The following UTRN variants were observed in gnomAD, a reference collection of about 807,000 sequenced individuals.
UTRN encodes utrophin, also known as dystrophin-related protein 1.
In UTRN, 283 loss-of-function variants were observed where a neutral mutation model predicts 463.9. That is an observed-to-expected ratio of 0.61 (90% confidence interval 0.55 to 0.67). The LOEUF (loss-of-function observed/expected upper bound fraction) is 0.67. Ranked by LOEUF, UTRN falls within the 30% of genes least tolerant of loss-of-function variation. The pLI is 0.00. For synonymous variants in UTRN, 1,442 were observed against 1,431.5 expected (o/e 1.01, Z -0.17); for missense variants, 3,922 against 4,084.3 (o/e 0.96, Z 1.08).
chr6:144,839,052 A>T, intron 71 of UTRN, 121 bp from the exon 72 acceptor site: 1 of 671,782 alleles, frequency 1.5e-6, no homozygotes, highest in Non-Finnish European at 2.4e-6. Flanking sequence ...AAACATCTGA[A>T]GGCAAAGACT....
At chr6:144,690,095 T>TTTTTTTTGTGTGGG (rs59704043) in intron 52 of UTRN, among the ~76,000 whole-genome samples, 1 of 33,456 alleles carries the variant, frequency 3.0e-5, no homozygotes. Flanking sequence ...TTTTTTTTTT[T>TTTTTTTTGTGTGGG]TGTGTGTGTG....
chr6:144,630,175 G>T (rs1366574349), intron 51 of UTRN, among the ~76,000 whole-genome samples: 1 of 152,120 alleles, frequency 6.6e-6, no homozygotes. Flanking sequence ...GTGACAGAGC[G>T]AGACTCCATC....
chr6:144,841,464 T>G (rs1390077947), intron 73 of UTRN, among the ~76,000 whole-genome samples: 2 of 152,138 alleles, frequency 1.3e-5, no homozygotes, highest in Non-Finnish European at 2.9e-5. Context: ...ATATAATAAT[T>G]CTTACTTATT....
chr6:144,555,198 C>A (rs1799269557), intron 49 of UTRN, among the ~76,000 whole-genome samples: 1 of 152,168 alleles, frequency 6.6e-6, no homozygotes, highest in African/African-American at 2.4e-5. Flanking sequence ...CCCTCTTTTG[C>A]TCCCTTCTGT....
chr6:144,688,420 A>T (rs1455293722), intron 52 of UTRN, among the ~76,000 whole-genome samples: 1 of 152,106 alleles, frequency 6.6e-6, no homozygotes, highest in Non-Finnish European at 1.5e-5. Flanking sequence ...TAGTGTGATC[A>T]TTTGGTGGTG....
chr6:144,638,582 G>C (rs6570638), intron 51 of UTRN, among the ~76,000 whole-genome samples: 1 of 152,196 alleles, frequency 6.6e-6, no homozygotes, highest in Non-Finnish European at 1.5e-5. Flanking sequence ...ATTTCATAGT[G>C]ATACAACATC....
Position 144,431,498 on chromosome 6 carries a change from C to T in UTRN, c.855+1757C>T, listed in dbSNP as rs547592274. On this transcript the variant is annotated intron_variant, in intron 9 of 74. Coordinates refer to ENST00000367545, the MANE Select transcript of UTRN (RefSeq NM_007124.3). ...TGCTACTCTCCTAATAGTCAGACTT[C>T]TTCTGCCCTGTTCTTTCTACAAACA... Among the ~76,000 whole-genome samples, 3 of 152,346 alleles carry T rather than the reference C, an allele frequency of 2.0e-5. No homozygotes were observed. The South Asian group carries it at 6.2e-4, about 32-fold the overall frequency.
At chr6:144,317,660 G>A (rs989036250) in intron 2 of UTRN, among the ~76,000 whole-genome samples, 1 of 152,072 alleles carries the variant, frequency 6.6e-6, no homozygotes, top group African/African-American at 2.4e-5. Flanking sequence ...GCCTCCCAAA[G>A]TGCTGGGATT....
chr6:144,336,461 G>T (rs1776727725), intron 2 of UTRN, among the ~76,000 whole-genome samples: 1 of 152,144 alleles, frequency 6.6e-6, no homozygotes. Context: ...ATAGGCTGGT[G>T]GCCCTGTAGG....
chr6:144,434,825 G>A (rs1786375503), intron 9 of UTRN, among the ~76,000 whole-genome samples: 1 of 152,218 alleles, frequency 6.6e-6, no homozygotes, highest in Non-Finnish European at 1.5e-5. Context: ...GAAAGCTCAA[G>A]TTGCTCAGCC....
intron 23 of UTRN, among the ~76,000 whole-genome samples, chr6:144,465,818 G>T (rs1002513823): frequency 2.0e-5 from 3 of 151,834 alleles, no homozygotes; most frequent in African/African-American, 7.3e-5. Context: ...AATTATTTTT[G>T]TCTTTAAGGC....
At chr6:144,509,130 A>G (rs1429548128) in intron 34 of UTRN, among the ~76,000 whole-genome samples, 1 of 152,132 alleles carries the variant, frequency 6.6e-6, no homozygotes, top group Non-Finnish European at 1.5e-5. Flanking sequence ...GTAGTGCAGA[A>G]TTGATATCTT....
chr6:144,371,028 C>CAA, intron 2 of UTRN, among the ~76,000 whole-genome samples: 1 of 152,362 alleles, frequency 6.6e-6, no homozygotes, highest in Non-Finnish European at 1.5e-5. Flanking sequence ...CCCCACCTAG[C>CAA]ACTGTCCCCA....
chr6:144,287,578 A>G (rs992406967), intron 1 of UTRN, among the ~76,000 whole-genome samples: 1 of 152,242 alleles, frequency 6.6e-6, no homozygotes, highest in Non-Finnish European at 1.5e-5. Context: ...CATAAAATAT[A>G]GTACAAAATA....
intron 60 of UTRN, among the ~76,000 whole-genome samples, chr6:144,780,111 A>T (rs1262408859): frequency 6.6e-6 from 1 of 152,214 alleles, no homozygotes; most frequent in Non-Finnish European, 1.5e-5. Flanking sequence ...TTAAAAATTC[A>T]AAATTATTAG....
At chr6:144,350,569 C>A (rs975215478) in intron 2 of UTRN, among the ~76,000 whole-genome samples, 1 of 152,192 alleles carries the variant, frequency 6.6e-6, no homozygotes, top group Admixed American at 6.5e-5. Flanking sequence ...CAACAGATGA[C>A]ATGTAGAGAG....
chr6:144,418,518 A>G (rs528749351), intron 3 of UTRN, among the ~76,000 whole-genome samples: 2 of 141,892 alleles, frequency 1.4e-5, no homozygotes, highest in African/African-American at 5.3e-5. Flanking sequence ...CCATCGTGCC[A>G]GGCCTGTATT....
In UTRN at chr6:144,561,683, G is replaced by A. The variant is rs186849423; in HGVS notation, c.7289+4372G>A. On this transcript the variant is annotated intron_variant, in intron 50 of 74. Transcript: ENST00000367545. ...ACTTGCCTTCTGTGCTAACCTATAGGAAGTTATTTCAACTCACCGAGTCAC... is the reference window on the plus strand; with the variant it reads ...ACTTGCCTTCTGTGCTAACCTATAGAAAGTTATTTCAACTCACCGAGTCAC... Among the ~76,000 whole-genome samples, 391 of 152,190 alleles carry A rather than the reference G, an allele frequency of 2.6e-3. 1 individual carries two copies. The highest frequency in any genetic ancestry group is 4.6e-3 in the Non-Finnish European group (313 of 67,988).
intron 51 of UTRN, among the ~76,000 whole-genome samples, chr6:144,602,340 T>C (rs1804343565): frequency 1.3e-5 from 2 of 151,844 alleles, no homozygotes; most frequent in African/African-American, 4.8e-5. Flanking sequence ...GGTTTCACCA[T>C]GTTGGCCAGG....
Sources: gnomAD v4.1 joint callset for allele counts (sites outside exome capture counted in the v4.1 genomes callset) on GRCh38, gnomAD v4.1.1 for gene constraint, MANE v1.5 for transcripts, NCBI Gene and HGNC (gene_info 2026-07-23, HGNC 2026-07-21) for gene names.